The following TMEM39B variants were observed in gnomAD, a reference collection of about 807,000 sequenced individuals.
TMEM39B encodes the protein transmembrane protein 39B.
Under a neutral mutation model 52.2 loss-of-function variants are expected in TMEM39B, and 23 were observed. That is an observed-to-expected ratio of 0.44 (90% CI 0.32 to 0.62). TMEM39B has a LOEUF of 0.62. TMEM39B is among the 20% of genes least tolerant of loss of function. The pLI is 0.06. For synonymous variants in TMEM39B, 285 were observed against 264.0 expected (o/e 1.08, Z -0.77); for missense variants, 547 against 642.0 (o/e 0.85, Z 1.60).
At chr1:32,074,683 TTA>T (rs959761931) in intron 1 of TMEM39B, among the ~76,000 whole-genome samples, 1 of 152,050 alleles carries the variant, frequency 6.6e-6, no homozygotes, top group Non-Finnish European at 1.5e-5. Context: ...AGATAGGATA[TTA>T]TAAGTGCTAG....
intron 6 of TMEM39B, among the ~76,000 whole-genome samples, chr1:32,093,484 T>C (rs1640689714): frequency 7.3e-6 from 1 of 137,336 alleles, no homozygotes; most frequent in African/African-American, 2.7e-5. Context: ...CAATCTTGGC[T>C]CACTGCAGCC....
chr1:32,091,748 T>G lies in TMEM39B; in HGVS notation c.664T>G (p.Ser222Ala), dbSNP rs1477315860. ...GACAAGCCTCTTCAACCACATGGCC[T>G]CCATGGGGCCCCGGGAGGCGGTCAG... ...RKTSLFNHMA[S>A]MGPREAVSGL... is the part of the protein sequence containing the mutation. Residue 222 changes from serine (S) to alanine (A), a missense_variant, in exon 6 of 9, where the codon TCC becomes GCC. Ser to Ala is a moderately conservative substitution (Grantham distance 99, BLOSUM62 1). Coordinates refer to ENST00000336294, the MANE Select transcript of TMEM39B (RefSeq NM_018056.4). 3 of 1,614,000 alleles carry G rather than the reference T, an allele frequency of 1.9e-6. No homozygotes were observed. The African/African-American group carries it at 4.0e-5, about 22-fold the overall frequency.
At chr1:32,084,536 G>C (rs1341193480) in intron 5 of TMEM39B, among the ~76,000 whole-genome samples, 2 of 152,036 alleles carry the variant, frequency 1.3e-5, no homozygotes, top group Admixed American at 6.6e-5. Flanking sequence ...CCTCATACTT[G>C]ATTGATAGTT....
At chr1:32,072,822 C>G, upstream of TMEM39B, 1 of 552,236 alleles carries the variant, frequency 1.8e-6, no homozygotes, top group Non-Finnish European at 3.2e-6. Flanking sequence ...CGTGGGGGAC[C>G]GAGAGACAAA....
At chr1:32,091,570 C>A in intron 5 of TMEM39B, 105 bp from the exon 6 acceptor site, 1 of 1,321,448 alleles carries the variant, frequency 7.6e-7, no homozygotes, top group Non-Finnish European at 1.0e-6. Context: ...CTCTGGGCAG[C>A]CAGGAGAGCT....
intron 8 of TMEM39B, 134 bp from the exon 9 acceptor site, chr1:32,102,297 A>G: frequency 8.1e-7 from 1 of 1,231,556 alleles, no homozygotes. Context: ...CCAACCCCAG[A>G]AAGTCTTCTT....
Position 32,074,553 on chromosome 1 carries a change from C to T in TMEM39B, c.5-398C>T, listed in dbSNP as rs189077172. Among the ~76,000 whole-genome samples, 116 of 152,142 alleles carry T rather than the reference C, an allele frequency of 7.6e-4. 4 individuals carry two copies. The East Asian group carries it at 0.021, about 28-fold the overall frequency. ...GACAGACAAGCAATAAGCATATTAACAAATGAGTAAGATAATTTCAGAGAG... is the reference window on the plus strand; with the variant it reads ...GACAGACAAGCAATAAGCATATTAATAAATGAGTAAGATAATTTCAGAGAG... On this transcript the variant is annotated intron_variant, in intron 1 of 8. Transcript: ENST00000336294.
rs367675974 is a variant in TMEM39B at position 32,090,789 on chromosome 1, G to A, written c.591-886G>A. ...CGAGTAGCTGGGACTACAGGCGCCC[G>A]CCACCACGCCCGGCTAATTTTTTGT... On this transcript the variant is annotated intron_variant, in intron 5 of 8. Transcript: ENST00000336294. Among the ~76,000 whole-genome samples, 79 of 152,130 alleles carry A rather than the reference G, an allele frequency of 5.2e-4. 1 individual carries two copies. The East Asian group carries it at 0.012, about 23-fold the overall frequency.
At chr1:32,075,851 T>C (rs1018314412) in intron 3 of TMEM39B, 29 bp downstream of exon 3, 1 of 1,313,072 alleles carries the variant, frequency 7.6e-7, no homozygotes, top group African/African-American at 1.5e-5. Context: ...TGTGTGTGTG[T>C]GTGTGTGTGT....
intron 3 of TMEM39B, 78 bp from the exon 4 acceptor site, chr1:32,076,685 C>A: frequency 7.2e-7 from 1 of 1,381,772 alleles, no homozygotes; most frequent in Non-Finnish European, 1.0e-6. Context: ...AAGAAATGGG[C>A]AGCGGGAGGT....
chr1:32,084,415 T>G (rs1408657905), intron 5 of TMEM39B, among the ~76,000 whole-genome samples: 1 of 152,194 alleles, frequency 6.6e-6, no homozygotes, highest in Non-Finnish European at 1.5e-5. Context: ...ATCCCATGTC[T>G]TCCTCTTTCT....
chr1:32,099,231 T>TAA (rs1181887980), intron 7 of TMEM39B, among the ~76,000 whole-genome samples: 1 of 124,288 alleles, frequency 8.0e-6, no homozygotes, highest in Non-Finnish European at 1.6e-5. Context: ...AGACTCTGTC[T>TAA]CAAAAAAAAA....
chr1:32,089,649 ATT>A (rs776523618), intron 5 of TMEM39B, among the ~76,000 whole-genome samples: 5 of 135,098 alleles, frequency 3.7e-5, no homozygotes, highest in South Asian at 2.4e-4. Context: ...GTAAAAGGAG[ATT>A]TTTTTTTTTT....
intron 6 of TMEM39B, among the ~76,000 whole-genome samples, chr1:32,093,704 G>T (rs1640698616): frequency 6.6e-6 from 1 of 151,966 alleles, no homozygotes; most frequent in African/African-American, 2.4e-5. Flanking sequence ...AAGCCACTGC[G>T]CCCGGCCCTT....
At chr1:32,087,341 A>G (rs1640399390) in intron 5 of TMEM39B, among the ~76,000 whole-genome samples, 1 of 146,344 alleles carries the variant, frequency 6.8e-6, no homozygotes, top group African/African-American at 2.5e-5. Flanking sequence ...AAAAAAAAAA[A>G]GGCCGGGTGC....
intron 5 of TMEM39B, among the ~76,000 whole-genome samples, chr1:32,080,266 G>A (rs936689312): frequency 1.9e-4 from 29 of 152,196 alleles, no homozygotes; most frequent in Middle Eastern, 3.4e-3. Flanking sequence ...CAGTATCTCT[G>A]CACAGTAGAT....
intron 7 of TMEM39B, among the ~76,000 whole-genome samples, chr1:32,095,381 T>G (rs1447897687): frequency 6.6e-6 from 1 of 152,164 alleles, no homozygotes; most frequent in South Asian, 2.1e-4. Flanking sequence ...GCAAAAGAGC[T>G]TGGACTTTGA....
At chr1:32,086,619 T>G (rs1272176979) in intron 5 of TMEM39B, among the ~76,000 whole-genome samples, 1 of 151,824 alleles carries the variant, frequency 6.6e-6, no homozygotes, top group East Asian at 1.9e-4. Flanking sequence ...ATACAAAAAT[T>G]AGCTGGGCAT....
intron 3 of TMEM39B, 168 bp downstream of exon 3, chr1:32,075,990 A>G (rs901596566): frequency 7.2e-5 from 39 of 538,748 alleles, no homozygotes; most frequent in Middle Eastern, 4.8e-4. Flanking sequence ...CTGATGATTC[A>G]CTGAATACTC....
Sources: gnomAD v4.1 joint callset for allele counts (sites outside exome capture counted in the v4.1 genomes callset) on GRCh38, gnomAD v4.1.1 for gene constraint, MANE v1.5 for transcripts, NCBI Gene and HGNC (gene_info 2026-07-23, HGNC 2026-07-21) for gene names.